Variants in RUNX1 observed in about 807,000 individuals in gnomAD.
RUNX1 encodes the protein runt-related transcription factor 1.
RUNX1 carries 19 observed loss-of-function variants against 42.8 expected under a neutral mutation model. That is an observed-to-expected ratio of 0.44 (90% CI 0.31 to 0.65). The LOEUF is 0.65. RUNX1 is among the 30% of genes least tolerant of loss of function. The pLI, the probability that RUNX1 is intolerant of heterozygous loss-of-function variation, is 0.07. For synonymous variants in RUNX1, 271 were observed against 289.4 expected, an observed-to-expected ratio of 0.94 and a Z score of 0.64; for missense variants, 528 against 672.0, an observed-to-expected ratio of 0.79 and a Z score of 2.37.
chr21:34,985,746 A>T (rs1024902648), intron 2 of RUNX1, among the ~76,000 whole-genome samples: 3 of 151,782 alleles, frequency 2.0e-5, no homozygotes, highest in African/African-American at 7.3e-5. Context: ...TTATTATCCT[A>T]TATTATATTA....
At chr21:34,878,184 A>C (rs1601511133) in intron 5 of RUNX1, among the ~76,000 whole-genome samples, 1 of 146,704 alleles carries the variant, frequency 6.8e-6, no homozygotes, top group South Asian at 2.1e-4. Context: ...AAAAAAAAAA[A>C]GAAGAAGAAG....
intron 2 of RUNX1, among the ~76,000 whole-genome samples, chr21:34,922,976 C>T (rs1434635585): frequency 1.3e-5 from 2 of 152,162 alleles, no homozygotes; most frequent in Admixed American, 6.5e-5. Flanking sequence ...TCTATGATTA[C>T]CCTATTTTAT....
At chr21:34,993,591 A>G (rs1375852305) in intron 2 of RUNX1, among the ~76,000 whole-genome samples, 1 of 146,250 alleles carries the variant, frequency 6.8e-6, no homozygotes, top group Non-Finnish European at 1.5e-5. Flanking sequence ...ACACAGACAC[A>G]CACACACAGG....
At chr21:35,004,809 G>A (rs2059072090) in intron 2 of RUNX1, among the ~76,000 whole-genome samples, 2 of 152,296 alleles carry the variant, frequency 1.3e-5, no homozygotes, top group South Asian at 4.1e-4. Context: ...TCTGCTTGCT[G>A]GAGAAGTGTC....
chr21:34,845,348 A>G (rs981510967), intron 6 of RUNX1, among the ~76,000 whole-genome samples: 2 of 152,198 alleles, frequency 1.3e-5, no homozygotes, highest in Non-Finnish European at 2.9e-5. Flanking sequence ...GAGGGCAAGG[A>G]TGGACGCCCA....
At chr21:34,848,789 C>T (rs1440823186) in intron 6 of RUNX1, among the ~76,000 whole-genome samples, 1 of 152,076 alleles carries the variant, frequency 6.6e-6, no homozygotes, top group Non-Finnish European at 1.5e-5. Context: ...GTCCGAGAGG[C>T]GCGTGGGACG....
At chr21:34,805,987 A>G (rs1209869715) in intron 7 of RUNX1, among the ~76,000 whole-genome samples, 1 of 152,218 alleles carries the variant, frequency 6.6e-6, no homozygotes, top group African/African-American at 2.4e-5. Context: ...TTTAAAAAGA[A>G]TGATTAATAT....
intron 2 of RUNX1, among the ~76,000 whole-genome samples, chr21:34,974,814 GT>G (rs1281518811): frequency 3.9e-5 from 6 of 152,146 alleles, no homozygotes; most frequent in Non-Finnish European, 2.9e-5. Flanking sequence ...TAACAAATCT[GT>G]TTTTGTGAGT....
intron 2 of RUNX1, among the ~76,000 whole-genome samples, chr21:34,925,064 A>G (rs1007839395): frequency 1.3e-5 from 2 of 151,986 alleles, no homozygotes; most frequent in Admixed American, 6.5e-5. Flanking sequence ...GGAGGATACA[A>G]ACATTGAGTC....
rs143518319 is a variant in RUNX1 at position 34,923,326 on chromosome 21, C to A, written c.59-30363G>T. Among the ~76,000 whole-genome samples, 1,326 of 152,272 alleles carry A rather than the reference C, an allele frequency of 8.7e-3. 11 individuals are homozygous for A. Among genetic ancestry groups the A allele is most frequent in the Middle Eastern group, 0.02 (6 of 294 alleles). ...TCCTTAAGAGGTGGGCTGTCACTGTCAGTTAGCTTTGTGGTTTTCATTTCT... is the reference window on the plus strand; with the variant it reads ...TCCTTAAGAGGTGGGCTGTCACTGTAAGTTAGCTTTGTGGTTTTCATTTCT... On this transcript the variant is annotated intron_variant, in intron 2 of 8. Coordinates refer to ENST00000675419, the MANE Select transcript of RUNX1 (RefSeq NM_001754.5).
intron 8 of RUNX1, among the ~76,000 whole-genome samples, chr21:34,796,515 T>G (rs1185705841): frequency 6.6e-6 from 1 of 152,202 alleles, no homozygotes; most frequent in Non-Finnish European, 1.5e-5. Flanking sequence ...TCCCCTGATA[T>G]TCACAGAGAG....
intron 6 of RUNX1, among the ~76,000 whole-genome samples, chr21:34,839,457 T>C (rs556993586): frequency 6.6e-6 from 1 of 152,262 alleles, no homozygotes; most frequent in African/African-American, 2.4e-5. Context: ...CACATTTCTG[T>C]GAACTCAAAG....
At chr21:34,870,786 C>T (rs899736139) in intron 5 of RUNX1, among the ~76,000 whole-genome samples, 4 of 152,026 alleles carry the variant, frequency 2.6e-5, no homozygotes, top group South Asian at 2.1e-4. Context: ...GATGAAACCC[C>T]GTCTCTATGA....
Position 34,788,964 on chromosome 21 carries a change from T to C in RUNX1, c.*3171A>G. On this transcript the variant is annotated 3_prime_UTR_variant, in exon 9 of 9. Transcript: ENST00000675419. ...CTGCAATCCTAAATTGCAGGACATT[T>C]GAGTGGAACCATTCATTTCCTTTCT... is the stretch of plus-strand genomic sequence containing the variant. 4.3e-6 allele frequency: 1 copy of C among 233,316 alleles called. No individual in the cohort carries two copies. The highest frequency in any genetic ancestry group is 8.5e-6 in the Non-Finnish European group (1 of 118,064). 14.5% of individuals were successfully genotyped at this position (233,316 alleles called of 1,614,324 possible).
rs944833191 is a variant in RUNX1 at position 35,030,347 on chromosome 21, A to G, written c.58+18495T>C. The stretch of plus-strand genomic sequence containing the variant: ...GACAGAGTGAGACTCTGTCTCAAAA[A>G]AAAATAAAAAATAAAAAAACCACTG... On this transcript the variant is annotated intron_variant, in intron 2 of 8. Coordinates refer to ENST00000675419, the MANE Select transcript of RUNX1 (RefSeq NM_001754.5). 3.9e-5 allele frequency among the ~76,000 whole-genome samples: 6 copies of G among 152,100 alleles called. No individual in the cohort carries two copies. The East Asian group carries it at 1.2e-3, about 29-fold the overall frequency.
intron 7 of RUNX1, among the ~76,000 whole-genome samples, chr21:34,812,411 A>C (rs916383785): frequency 6.6e-6 from 1 of 152,204 alleles, no homozygotes; most frequent in Admixed American, 6.5e-5. Flanking sequence ...AAACACTTGA[A>C]GATAAGAGCC....
intron 5 of RUNX1, among the ~76,000 whole-genome samples, chr21:34,865,325 T>TGTGTGTGTGTG (rs2057644967): frequency 7.2e-6 from 1 of 138,464 alleles, no homozygotes; most frequent in South Asian, 2.3e-4. Context: ...TGTGTGTGTG[T>TGTGTGTGTGTG]TCAGCAGGTG....
At chr21:34,797,416 C>T (rs571685176) in intron 8 of RUNX1, among the ~76,000 whole-genome samples, 22 of 152,326 alleles carry the variant, frequency 1.4e-4, no homozygotes, top group African/African-American at 5.1e-4. Flanking sequence ...GAACACCAGT[C>T]AGCTGGAGGA....
chr21:34,874,226 C>G (rs1263060761), intron 5 of RUNX1, among the ~76,000 whole-genome samples: 2 of 151,988 alleles, frequency 1.3e-5, no homozygotes, highest in Non-Finnish European at 2.9e-5. Context: ...CATACACTCT[C>G]CCCATATTGA....
Sources: gnomAD v4.1 joint callset for allele counts (sites outside exome capture counted in the v4.1 genomes callset) on GRCh38, gnomAD v4.1.1 for gene constraint, MANE v1.5 for transcripts, NCBI Gene and HGNC (gene_info 2026-07-23, HGNC 2026-07-21) for gene names.